Variants in RORA observed in about 807,000 individuals in gnomAD.
RORA encodes the protein nuclear receptor ROR-alpha.
In RORA, 7 loss-of-function variants were observed where a neutral mutation model predicts 69.5. The observed-to-expected ratio is 0.10, with a 90% CI of 0.06 to 0.19. RORA has a LOEUF of 0.19. Among genes scored for constraint, RORA ranks in the 10% least tolerant of loss-of-function variants. RORA has a pLI of 1.00. For missense variants in RORA, 457 were observed against 663.0 expected (o/e 0.69, Z 3.41); for synonymous variants, 261 against 240.8 (o/e 1.08, Z -0.78).
At chr15:60,990,593 T>A (rs1299808182) in intron 1 of RORA, among the ~76,000 whole-genome samples, 1 of 152,188 alleles carries the variant, frequency 6.6e-6, no homozygotes, top group African/African-American at 2.4e-5. Flanking sequence ...CAGCAGATCC[T>A]GGAAGAACTT....
At chr15:60,755,806 C>G (rs530648138) in intron 1 of RORA, among the ~76,000 whole-genome samples, 1 of 152,134 alleles carries the variant, frequency 6.6e-6, no homozygotes, top group Non-Finnish European at 1.5e-5. Context: ...TGTTTGTTCC[C>G]TCTCTTGTTC....
Position 61,227,645 on chromosome 15 carries a change from G to T in RORA, c.166+1408C>A, listed in dbSNP as rs574187994. Among the ~76,000 whole-genome samples, 13 of 151,888 alleles carry T rather than the reference G, an allele frequency of 8.6e-5. No individual in the cohort carries two copies. The South Asian group carries it at 2.5e-3, about 29-fold the overall frequency. On this transcript the variant is annotated intron_variant, in intron 1 of 10. Transcript: ENST00000335670. ...TATTCCTACCTCCAACTACAACATCGAGAGGAAGGGAGCAGTTCCTGGGGC... is the reference window on the plus strand; with the variant it reads ...TATTCCTACCTCCAACTACAACATCTAGAGGAAGGGAGCAGTTCCTGGGGC...
At chr15:60,715,780 A>C (rs2071211361) in intron 1 of RORA, among the ~76,000 whole-genome samples, 1 of 152,118 alleles carries the variant, frequency 6.6e-6, no homozygotes, top group South Asian at 2.1e-4. Flanking sequence ...ACACAAACAC[A>C]CTCACCATTT....
At chr15:61,182,573 A>G (rs1252897005) in intron 1 of RORA, among the ~76,000 whole-genome samples, 2 of 152,222 alleles carry the variant, frequency 1.3e-5, no homozygotes, top group African/African-American at 4.8e-5. Flanking sequence ...CCAGTAGGAG[A>G]AAGGTTAGAA....
intron 1 of RORA, among the ~76,000 whole-genome samples, chr15:61,083,710 T>C (rs1334536235): frequency 1.3e-5 from 2 of 151,902 alleles, no homozygotes; most frequent in African/African-American, 4.8e-5. Context: ...CACCCACTTC[T>C]CCAAGCACCT....
intron 1 of RORA, among the ~76,000 whole-genome samples, chr15:61,037,675 T>G (rs911091570): frequency 2.6e-5 from 4 of 152,196 alleles, no homozygotes; most frequent in African/African-American, 9.7e-5. Context: ...GAGATTCACC[T>G]AGATGCTGAG....
chr15:61,112,502 G>C (rs1425345033), intron 1 of RORA, among the ~76,000 whole-genome samples: 1 of 152,146 alleles, frequency 6.6e-6, no homozygotes, highest in Non-Finnish European at 1.5e-5. Flanking sequence ...TGGAGGCAAA[G>C]ACAGGAGAAA....
chr15:60,893,475 C>G (rs1420627908), intron 1 of RORA, among the ~76,000 whole-genome samples: 1 of 152,238 alleles, frequency 6.6e-6, no homozygotes, highest in Non-Finnish European at 1.5e-5. Context: ...CCTCCTGGCA[C>G]CGCCCCTGAC....
At chr15:60,627,465 TC>T (rs1458594984) in intron 2 of RORA, 1 of 1,573,490 alleles carries the variant, frequency 6.4e-7, no homozygotes, top group East Asian at 2.2e-5. Flanking sequence ...GACAGATGGC[TC>T]CAACAGCTGG....
chr15:60,933,635 G>A (rs1208873154), intron 1 of RORA, among the ~76,000 whole-genome samples: 4 of 152,140 alleles, frequency 2.6e-5, no homozygotes, highest in African/African-American at 9.7e-5. Context: ...GAGGGGTGGG[G>A]GAGGATGTCT....
intron 1 of RORA, among the ~76,000 whole-genome samples, chr15:60,960,635 C>T (rs1893391270): frequency 6.6e-6 from 1 of 150,788 alleles, no homozygotes; most frequent in African/African-American, 2.5e-5. Context: ...CACTTTGGCA[C>T]ACAAATCTTT....
chr15:60,581,890 G>C (rs2068205393), intron 2 of RORA, among the ~76,000 whole-genome samples: 1 of 152,190 alleles, frequency 6.6e-6, no homozygotes, highest in African/African-American at 2.4e-5. Flanking sequence ...GGCATCACAA[G>C]AGATACATTG....
At chr15:60,783,671 C>T (rs2140340952) in intron 1 of RORA, among the ~76,000 whole-genome samples, 1 of 152,288 alleles carries the variant, frequency 6.6e-6, no homozygotes, top group East Asian at 1.9e-4. Context: ...TTGCAGAGGA[C>T]CTCTTCCATT....
rs556298838 is a variant in RORA at position 60,958,201 on chromosome 15, T to C, written c.166+270852A>G. Among the ~76,000 whole-genome samples the C allele has an allele frequency of 2.6e-5, 4 of 152,338 alleles. No individual in the cohort carries two copies. In the East Asian group the frequency reaches 7.7e-4, roughly 29 times the overall value. ...AATATTAATTTTCCTAAAGTGGTGA[T>C]GGCAGAGATTTTATACAAAGGATGT... On this transcript the variant is annotated intron_variant, in intron 1 of 10. Coordinates refer to ENST00000335670, the MANE Select transcript of RORA (RefSeq NM_134261.3).
At chr15:60,883,821 G>A (rs12593303) in intron 1 of RORA, among the ~76,000 whole-genome samples, 30,636 of 152,174 alleles carry the variant, frequency 0.2, 3,776 homozygotes, top group Non-Finnish European at 0.28. Flanking sequence ...ACGAAAGGGT[G>A]TTGAGTACTT....
intron 1 of RORA, among the ~76,000 whole-genome samples, chr15:61,139,265 T>C (rs1567007643): frequency 6.6e-6 from 1 of 152,136 alleles, no homozygotes; most frequent in Non-Finnish European, 1.5e-5. Context: ...CAAACTAAAC[T>C]GACCACAGAA....
intron 1 of RORA, among the ~76,000 whole-genome samples, chr15:60,975,334 T>C (rs1437780627): frequency 7.9e-5 from 12 of 152,078 alleles, no homozygotes; most frequent in Admixed American, 7.9e-4. Flanking sequence ...GCAAACCGAG[T>C]ACTGGGTGCC....
chr15:60,760,751 CA>C (rs2071873225), intron 1 of RORA, among the ~76,000 whole-genome samples: 1 of 152,078 alleles, frequency 6.6e-6, no homozygotes, highest in Non-Finnish European at 1.5e-5. Flanking sequence ...TTTAACAAAT[CA>C]GGGGGCAGCA....
intron 2 of RORA, among the ~76,000 whole-genome samples, chr15:60,575,928 G>A (rs2414677): frequency 0.016 from 2,425 of 152,340 alleles, 63 homozygotes; most frequent in African/African-American, 0.056. Context: ...TGGGCATGTA[G>A]TTATTTCTCT....
Sources: gnomAD v4.1 joint callset for allele counts (sites outside exome capture counted in the v4.1 genomes callset) on GRCh38, gnomAD v4.1.1 for gene constraint, MANE v1.5 for transcripts, NCBI Gene and HGNC (gene_info 2026-07-23, HGNC 2026-07-21) for gene names.